Variants in TACC2 observed in about 807,000 individuals in gnomAD.
TACC2 encodes transforming acidic coiled-coil containing protein 2, also known as transforming acidic coiled-coil-containing protein 2.
In TACC2, 137 loss-of-function variants were observed where a neutral mutation model predicts 227.3. That is an observed-to-expected ratio of 0.60 (90% confidence interval 0.52 to 0.69). The LOEUF (loss-of-function observed/expected upper bound fraction) is 0.69, where lower values mean the gene tolerates loss of function less well. Ranked by LOEUF, TACC2 falls within the 30% of genes least tolerant of loss-of-function variation. The pLI is 0.00. For missense variants in TACC2, 3,470 were observed against 3,694.4 expected, an observed-to-expected ratio of 0.94 and a Z score of 1.57; for synonymous variants, 1,523 against 1,487.5, an observed-to-expected ratio of 1.02 and a Z score of -0.55.
chr10:122,214,296 C>T (rs950723544), intron 9 of TACC2, among the ~76,000 whole-genome samples: 5 of 152,090 alleles, frequency 3.3e-5, no homozygotes, highest in Admixed American at 6.5e-5. Context: ...CTTCAAGCTG[C>T]GATTGCACTG....
At chr10:122,200,357 G>A (rs1027976608) in intron 8 of TACC2, among the ~76,000 whole-genome samples, 3 of 151,200 alleles carry the variant, frequency 2.0e-5, no homozygotes, top group Non-Finnish European at 3.0e-5. Flanking sequence ...AGAGGATGGC[G>A]ACCTCACCTG....
At chr10:121,998,325 A>AT (rs557638415) in intron 1 of TACC2, among the ~76,000 whole-genome samples, 1 of 151,828 alleles carries the variant, frequency 6.6e-6, no homozygotes, top group East Asian at 1.9e-4. Context: ...AAAAAAAAAA[A>AT]AAAAAAAGGA....
chr10:122,130,713 C>T (rs1029618208), intron 5 of TACC2, among the ~76,000 whole-genome samples: 1 of 152,346 alleles, frequency 6.6e-6, no homozygotes, highest in Non-Finnish European at 1.5e-5. Context: ...ACAAGCTGCT[C>T]AGCCTCTCTG....
chr10:122,168,800 T>C (rs2093329936), intron 7 of TACC2, among the ~76,000 whole-genome samples: 1 of 152,218 alleles, frequency 6.6e-6, no homozygotes, highest in African/African-American at 2.4e-5. Context: ...ACAGCCTGTT[T>C]CTGTGGCTAG....
intron 5 of TACC2, among the ~76,000 whole-genome samples, chr10:122,132,067 A>AGGGAGGAAGGAAGGAAGG (rs57429902): frequency 3.5e-5 from 1 of 28,812 alleles, no homozygotes; most frequent in Non-Finnish European, 1.2e-4. Context: ...AAAGAAAGAA[A>AGGGAGGAAGGAAGGAAGG]AAGAAAGAAA....
chr10:122,156,115 G>A (rs2092456015), intron 7 of TACC2, among the ~76,000 whole-genome samples: 1 of 151,668 alleles, frequency 6.6e-6, no homozygotes, highest in Non-Finnish European at 1.5e-5. Context: ...GGGATTACAG[G>A]TGTGAGCCAC....
intron 19 of TACC2, chr10:122,247,424 C>G (rs1169645735): frequency 6.6e-6 from 1 of 152,246 alleles, no homozygotes; most frequent in Admixed American, 6.5e-5. Context: ...CTCCCTTCCC[C>G]ACTCTGCTGT....
At chr10:122,204,589 A>G (rs2095040057) in intron 8 of TACC2, among the ~76,000 whole-genome samples, 1 of 152,194 alleles carries the variant, frequency 6.6e-6, no homozygotes, top group Admixed American at 6.5e-5. Flanking sequence ...TCATCTCAGC[A>G]CTTTGGGAGG....
chr10:122,154,485 C>G (rs142544666), intron 7 of TACC2, among the ~76,000 whole-genome samples: 72 of 152,370 alleles, frequency 4.7e-4, no homozygotes, highest in African/African-American at 1.6e-3. Context: ...CTAATAGCCT[C>G]TGCAGGCTGT....
At chr10:122,179,933 A>C (rs532222933) in intron 7 of TACC2, among the ~76,000 whole-genome samples, 1 of 151,862 alleles carries the variant, frequency 6.6e-6, no homozygotes, top group East Asian at 1.9e-4. Context: ...TAAAAAAAAA[A>C]TATAGCCGGG....
intron 8 of TACC2, among the ~76,000 whole-genome samples, chr10:122,206,091 CG>C (rs946302697): frequency 7.3e-6 from 1 of 136,708 alleles, no homozygotes; most frequent in African/African-American, 2.9e-5. Context: ...CACTGGGGGG[CG>C]GGGGGAAAGA....
intron 3 of TACC2, among the ~76,000 whole-genome samples, chr10:122,057,299 T>C (rs534262471): frequency 4.6e-5 from 7 of 151,828 alleles, no homozygotes; most frequent in African/African-American, 1.7e-4. Flanking sequence ...GGGTGGAGGG[T>C]GCCGGCTGGA....
At chr10:122,186,121 G>C (rs2094181477) in intron 7 of TACC2, among the ~76,000 whole-genome samples, 1 of 152,014 alleles carries the variant, frequency 6.6e-6, no homozygotes, top group South Asian at 2.1e-4. Context: ...TAGAGACAGG[G>C]TTTTGTCATG....
intron 3 of TACC2, among the ~76,000 whole-genome samples, chr10:122,072,139 C>T (rs565877665): frequency 5.3e-5 from 8 of 151,736 alleles, no homozygotes; most frequent in African/African-American, 9.6e-5. Flanking sequence ...CCACTATGCC[C>T]GGCTAATTTT....
At chr10:122,017,652 GC>G (rs1219220785) in intron 1 of TACC2, among the ~76,000 whole-genome samples, 3 of 151,630 alleles carry the variant, frequency 2.0e-5, no homozygotes, top group African/African-American at 7.3e-5. Flanking sequence ...CCCGGTCTCT[GC>G]TTAAAATACA....
chr10:122,020,285 A>G (rs1372089836), intron 1 of TACC2, among the ~76,000 whole-genome samples: 2 of 148,604 alleles, frequency 1.3e-5, no homozygotes, highest in Non-Finnish European at 3.0e-5. Context: ...AAATGCATGC[A>G]GATTTTTACG....
chr10:122,144,893 G>A (rs1041860174), intron 7 of TACC2, among the ~76,000 whole-genome samples: 4 of 152,150 alleles, frequency 2.6e-5, no homozygotes, highest in African/African-American at 9.7e-5. Flanking sequence ...ACCCCTCTTG[G>A]ATCCACCGCA....
At chr10:122,207,002 G>A (rs1306425363) in intron 8 of TACC2, among the ~76,000 whole-genome samples, 1 of 152,182 alleles carries the variant, frequency 6.6e-6, no homozygotes, top group Non-Finnish European at 1.5e-5. Flanking sequence ...TAGAAATCCA[G>A]TAGGGGAGCA....
At chr10:122,059,059 A>ATTTTTTTT (rs370288691) in intron 3 of TACC2, among the ~76,000 whole-genome samples, 3 of 119,216 alleles carry the variant, frequency 2.5e-5, no homozygotes, top group African/African-American at 5.9e-5. Flanking sequence ...CGCCTGGCTA[A>ATTTTTTTT]TTTGTTGTTG....
Sources: allele counts gnomAD v4.1 joint callset (sites outside exome capture counted in the v4.1 genomes callset), GRCh38; gene constraint gnomAD v4.1.1; transcripts MANE v1.5; gene names NCBI Gene and HGNC (gene_info 2026-07-23, HGNC 2026-07-21).